The following PCDHGB3 variants were observed in gnomAD, a reference collection of about 807,000 sequenced individuals.
The protein encoded by PCDHGB3 is protocadherin gamma-B3.
Under a neutral mutation model 59.2 loss-of-function variants are expected in PCDHGB3, and 40 were observed. The ratio of observed to expected loss-of-function variants is 0.68; its 90% CI spans 0.52 to 0.88. PCDHGB3 has a LOEUF of 0.88. Among genes scored for constraint, PCDHGB3 ranks in the 40% least tolerant of loss-of-function variants. The pLI, the probability that PCDHGB3 is intolerant of heterozygous loss-of-function variation, is 0.00. For missense variants in PCDHGB3, 1,309 were observed against 1,187.9 expected (o/e 1.10, Z -1.50); for synonymous variants, 581 against 503.6 (o/e 1.15, Z -2.06).
In PCDHGB3 at chr5:141,510,983, C is replaced by T; in HGVS notation, c.2600C>T (p.Ala867Val). The change falls in exon 4 of 4, where the codon GCC becomes GTC. Residue 867 changes from alanine to valine, a missense_variant. Transcript: ENST00000576222. The stretch of plus-strand genomic sequence containing the variant: ...GGGAGCTCCACCCTGGGAGGGGGTG[C>T]CGGCACCATGGGATTGAGCGCCCGC... ...ADGSSTLGGG[A>V]GTMGLSARYG... The T allele has an allele frequency of 6.2e-7, 1 of 1,614,162 alleles. No homozygotes were observed. The highest frequency in any genetic ancestry group is 8.5e-7 in the Non-Finnish European group (1 of 1,180,012).
chr5:141,427,193 CTT>C (rs2096998045), intron 1 of PCDHGB3: 3 of 456,614 alleles, frequency 6.6e-6, no homozygotes, highest in Non-Finnish European at 8.8e-6. Context: ...AATCCAAAGA[CTT>C]AATAGACTTC....
chr5:141,478,394 G>T (rs2099453142), intron 1 of PCDHGB3: 4 of 1,613,586 alleles, frequency 2.5e-6, no homozygotes, highest in Non-Finnish European at 3.4e-6. Flanking sequence ...TTACCATCAG[G>T]TGTATCTCAC....
intron 1 of PCDHGB3, among the ~76,000 whole-genome samples, chr5:141,454,796 A>AT (rs61612330): frequency 0.026 from 2,045 of 77,400 alleles, 387 homozygotes; most frequent in East Asian, 0.04. Flanking sequence ...CATGGTTCTA[A>AT]TTTTTTTTTT....
intron 2 of PCDHGB3, among the ~76,000 whole-genome samples, chr5:141,501,290 T>TAC (rs55762287): frequency 0.12 from 16,682 of 135,960 alleles, 995 homozygotes; most frequent in African/African-American, 0.18. Flanking sequence ...TATTCCCTTA[T>TAC]ACACACACAC....
chr5:141,501,292 C>CACAT (rs200296563), intron 2 of PCDHGB3, among the ~76,000 whole-genome samples: 14,029 of 50,334 alleles, frequency 0.28, 723 homozygotes, highest in Admixed American at 0.4. Flanking sequence ...TTCCCTTATA[C>CACAT]ACACACACAC....
chr5:141,421,902 C>A (rs1218675162), intron 1 of PCDHGB3: 1 of 1,613,706 alleles, frequency 6.2e-7, no homozygotes, highest in East Asian at 2.2e-5. Context: ...TCCGAAAGGG[C>A]GCAGTTCCCA....
chr5:141,404,435 A>G, intron 1 of PCDHGB3: 2 of 1,613,032 alleles, frequency 1.2e-6, no homozygotes, highest in South Asian at 2.2e-5. Flanking sequence ...GGCAGAGGAT[A>G]CCATCCAAGG....
At chr5:141,433,377 A>ATCTG (rs1300427377) in intron 1 of PCDHGB3, among the ~76,000 whole-genome samples, 1 of 150,958 alleles carries the variant, frequency 6.6e-6, no homozygotes, top group Non-Finnish European at 1.5e-5. Context: ...CTATCTATCT[A>ATCTG]TCTATCTATC....
At chr5:141,403,138 C>G in intron 1 of PCDHGB3, 1 of 1,614,036 alleles carries the variant, frequency 6.2e-7, no homozygotes, top group Non-Finnish European at 8.5e-7. Context: ...TGGCGGAGCG[C>G]CGAGTCCGCA....
chr5:141,403,302 A>G (rs1195717654), intron 1 of PCDHGB3: 1 of 1,613,904 alleles, frequency 6.2e-7, no homozygotes, highest in East Asian at 2.2e-5. Flanking sequence ...GTGAAACTGT[A>G]CGGAATAGAA....
chr5:141,374,902 C>T (rs1481689020), intron 1 of PCDHGB3: 2 of 1,613,754 alleles, frequency 1.2e-6, no homozygotes, highest in Middle Eastern at 1.6e-4. Flanking sequence ...ATGAAGGAGT[C>T]CACGGGGAAG....
chr5:141,390,513 A>G lies in PCDHGB3; in HGVS notation c.2415+17704A>G. ...TTTTTAGCCAAGCTTAGATTTATAA[A>G]GCAATGAGGGTGTGGTTTTAACCAC... is the stretch of plus-strand genomic sequence containing the variant. On this transcript the variant is annotated intron_variant, in intron 1 of 3. Coordinates refer to ENST00000576222, the MANE Select transcript of PCDHGB3 (RefSeq NM_018924.5). The G allele has an allele frequency of 1.0e-5, 6 of 581,214 alleles. No homozygotes were observed. The South Asian group carries it at 1.1e-4, about 10-fold the overall frequency. The allele number at this position is 581,214 out of a possible 1,614,324, so 36.0% of individuals were successfully genotyped here.
At chr5:141,422,849 C>T in intron 1 of PCDHGB3, 1 of 1,614,238 alleles carries the variant, frequency 6.2e-7, no homozygotes, top group Non-Finnish European at 8.5e-7. Context: ...AGCGGGGACC[C>T]GCCCCTCAGC....
At chr5:141,429,385 T>A (rs1274446916) in intron 1 of PCDHGB3, among the ~76,000 whole-genome samples, 1 of 151,844 alleles carries the variant, frequency 6.6e-6, no homozygotes, top group Non-Finnish European at 1.5e-5. Flanking sequence ...GTGTTTTTTT[T>A]TTAAAAAAAA....
chr5:141,387,642 C>T lies in PCDHGB3; in HGVS notation c.2415+14833C>T, dbSNP rs554256672. 8.0e-6 allele frequency: 5 copies of T among 622,368 alleles called. No homozygotes were observed. In the South Asian group the frequency reaches 1.1e-4, roughly 14 times the overall value. The allele number at this position is 622,368 out of a possible 1,614,324, so 38.6% of individuals were successfully genotyped here. On this transcript the variant is annotated intron_variant, in intron 1 of 3. Transcript: ENST00000576222. Reference sequence around the variant, plus strand: ...TGCTGACTCTGGGCGCCGCTGTTGGCCAAAGTGGAGAGCTTGGCGCTCCAG... The same window carrying T: ...TGCTGACTCTGGGCGCCGCTGTTGGTCAAAGTGGAGAGCTTGGCGCTCCAG...
At chr5:141,430,595 G>C (rs549786394) in intron 1 of PCDHGB3, 1 of 567,016 alleles carries the variant, frequency 1.8e-6, no homozygotes. Flanking sequence ...CCTTGCACGC[G>C]CCTGAAGCAC....
chr5:141,431,505 C>T lies in PCDHGB3; in HGVS notation c.2415+58696C>T. 1.2e-6 allele frequency: 2 copies of T among 1,614,018 alleles called. No individual in the cohort carries two copies. The highest frequency in any genetic ancestry group is 1.7e-6 in the Non-Finnish European group (2 of 1,180,028). On this transcript the variant is annotated intron_variant, in intron 1 of 3. Coordinates refer to ENST00000576222, the MANE Select transcript of PCDHGB3 (RefSeq NM_018924.5). This position sits in a 1 kb window ranked among gnomAD's most constrained non-coding sequence, Gnocchi z 4.8. ...GCGTTTGCTCAGCCCGAGTACCGCG[C>T]GAGCGTTCCGGAGAATCTGGCCTTG...
chr5:141,430,763 A>C, intron 1 of PCDHGB3: 1 of 1,506,248 alleles, frequency 6.6e-7, no homozygotes, highest in Non-Finnish European at 8.9e-7. Flanking sequence ...GATAAGAATG[A>C]TTCCTGCGCG....
chr5:141,419,368 C>T, intron 1 of PCDHGB3: 1 of 1,613,776 alleles, frequency 6.2e-7, no homozygotes, highest in Non-Finnish European at 8.5e-7. Context: ...CGCTGTCGTC[C>T]TACGTGTCCG....
Sources: gnomAD v4.1 joint callset for allele counts (sites outside exome capture counted in the v4.1 genomes callset) on GRCh38, gnomAD v4.1.1 for gene constraint, Gnocchi (gnomAD v3.1) non-coding constraint, MANE v1.5 for transcripts, NCBI Gene and HGNC (gene_info 2026-07-23, HGNC 2026-07-21) for gene names.